Variants in BCR observed in about 807,000 individuals in gnomAD.
BCR encodes breakpoint cluster region protein.
Under a neutral mutation model 138.6 loss-of-function variants are expected in BCR, and 58 were observed. That is an observed-to-expected ratio of 0.42 (90% CI 0.34 to 0.52). The LOEUF (loss-of-function observed/expected upper bound fraction) is 0.52. Ranked by LOEUF, BCR falls within the 20% of genes least tolerant of loss-of-function variation. BCR has a pLI of 0.06. For missense variants in BCR, 1,599 were observed against 1,727.2 expected, an observed-to-expected ratio of 0.93 and a Z score of 1.32; for synonymous variants, 786 against 730.1, an observed-to-expected ratio of 1.08 and a Z score of -1.23.
intron 1 of BCR, among the ~76,000 whole-genome samples, chr22:23,221,066 T>C (rs2072819158): frequency 6.6e-6 from 1 of 152,198 alleles, no homozygotes; most frequent in Non-Finnish European, 1.5e-5. Context: ...TCACAGTACC[T>C]TCTGATTACC....
chr22:23,230,343 C>T (rs537267512), intron 1 of BCR, among the ~76,000 whole-genome samples: 1 of 152,368 alleles, frequency 6.6e-6, no homozygotes, highest in South Asian at 2.1e-4. Flanking sequence ...GTCCTTCTCT[C>T]TGTGTGTGGT....
At chr22:23,200,633 C>T (rs888521240) in intron 1 of BCR, among the ~76,000 whole-genome samples, 3 of 152,182 alleles carry the variant, frequency 2.0e-5, no homozygotes, top group African/African-American at 7.2e-5. Context: ...TCATGGCTCA[C>T]CGCAGCCTTG....
At chr22:23,263,492 G>A (rs972723372) in intron 4 of BCR, 2 of 1,558,016 alleles carry the variant, frequency 1.3e-6, no homozygotes, top group Admixed American at 3.3e-5. Context: ...CCTGGATGCA[G>A]CTAGAGGATG....
chr22:23,226,323 A>AGT (rs1417815309), intron 1 of BCR, among the ~76,000 whole-genome samples: 33 of 51,594 alleles, frequency 6.4e-4, no homozygotes, highest in African/African-American at 2.4e-3. Context: ...AGAGAGAGAG[A>AGT]GAGAGTGTGT....
chr22:23,260,161 G>A (rs2073341089), intron 2 of BCR, among the ~76,000 whole-genome samples: 1 of 152,138 alleles, frequency 6.6e-6, no homozygotes. Context: ...GCCTCCCAGG[G>A]GCATGGGCTC....
intron 1 of BCR, among the ~76,000 whole-genome samples, chr22:23,194,999 G>A (rs1162657368): frequency 2.0e-5 from 3 of 151,924 alleles, no homozygotes; most frequent in Admixed American, 6.6e-5. Context: ...TTTTTTGGCC[G>A]GGAGTGGTGG....
chr22:23,289,095 G>A (rs2073753141), intron 12 of BCR, among the ~76,000 whole-genome samples: 1 of 152,200 alleles, frequency 6.6e-6, no homozygotes, highest in Non-Finnish European at 1.5e-5. Context: ...TCCCTGTTCA[G>A]CATTATGCCC....
intron 12 of BCR, 57 bp downstream of exon 12, chr22:23,288,229 C>A: frequency 2.6e-6 from 4 of 1,523,336 alleles, no homozygotes; most frequent in Non-Finnish European, 3.6e-6. Flanking sequence ...GCCAGGCTGG[C>A]AGCTCCTGTG....
rs374432951 is a variant in BCR at position 23,182,111 on chromosome 22, C to T, written c.1151C>T (p.Pro384Leu). 8.7e-6 allele frequency: 14 copies of T among 1,612,484 alleles called. No individual in the cohort carries two copies. The highest frequency in any genetic ancestry group is 1.2e-5 in the Non-Finnish European group (14 of 1,180,014). ...SQQSFDSSSP[P>L]TPQCHKRHRH... is the part of the protein sequence containing the mutation. ...CAGTCCTTCGACAGCAGCAGTCCCC[C>T]CACGCCGCAGTGCCATAAGCGGCAC... Residue 384 changes from proline to leucine, a missense_variant, in exon 1 of 23, where the codon CCC (proline) becomes CTC (leucine). Physicochemically the swap from Pro to Leu is moderately conservative, Grantham distance 98 (BLOSUM62 -3). Around this residue, in one of 4 missense-constraint regions of BCR, gnomAD observed 806 missense variants for 635.0 expected, o/e 1.27. Transcript: ENST00000305877.
chr22:23,206,306 G>A (rs2072612237), intron 1 of BCR, among the ~76,000 whole-genome samples: 1 of 152,176 alleles, frequency 6.6e-6, no homozygotes, highest in South Asian at 2.1e-4. Context: ...TGGGGGCGGT[G>A]GCTCACGCCT....
At chr22:23,301,078 C>T (rs950273590) in intron 16 of BCR, among the ~76,000 whole-genome samples, 9 of 152,178 alleles carry the variant, frequency 5.9e-5, no homozygotes, top group African/African-American at 1.7e-4. Flanking sequence ...CTGAGGAGGG[C>T]GGATCATTTG....
chr22:23,224,519 C>T (rs932583336), intron 1 of BCR, among the ~76,000 whole-genome samples: 2 of 152,210 alleles, frequency 1.3e-5, no homozygotes, highest in African/African-American at 2.4e-5. Flanking sequence ...TGCTTACCCA[C>T]TCTCGTTTTA....
At chr22:23,254,539 C>T (rs1457707524) in intron 2 of BCR, 1 of 518,546 alleles carries the variant, frequency 1.9e-6, no homozygotes, top group Non-Finnish European at 3.8e-6. Context: ...AGATGCTCTG[C>T]CATGCCCTCC....
At chr22:23,293,359 G>C (rs1047296816) in intron 15 of BCR, among the ~76,000 whole-genome samples, 1 of 152,148 alleles carries the variant, frequency 6.6e-6, no homozygotes, top group African/African-American at 2.4e-5. Flanking sequence ...CAGGCTGCTT[G>C]GTCTACACGG....
Position 23,275,796 on chromosome 22 carries a change from C to T in BCR, c.2115+2022C>T, listed in dbSNP as rs190256820. ...GAGATGCCTGCTCTTTCTCTTCTAC[C>T]GACTATTCTTTTATGAGCGCTCTGA... is the stretch of plus-strand genomic sequence containing the variant. On this transcript the variant is annotated intron_variant, in intron 8 of 22. Transcript: ENST00000305877. Among the ~76,000 whole-genome samples the T allele has an allele frequency of 6.0e-4, 92 of 152,298 alleles. 1 individual carries two copies. Among genetic ancestry groups the T allele is most frequent in the Admixed American group, 4.3e-3 (66 of 15,306 alleles).
chr22:23,297,218 TTTG>T (rs1568979577), intron 16 of BCR, among the ~76,000 whole-genome samples: 3 of 140,660 alleles, frequency 2.1e-5, no homozygotes, highest in Admixed American at 7.0e-5. Context: ...TTTTTTGTTT[TTTG>T]TTTTTTTTTT....
At chr22:23,265,802 T>G (rs757521958) in intron 4 of BCR, among the ~76,000 whole-genome samples, 1 of 152,230 alleles carries the variant, frequency 6.6e-6, no homozygotes, top group Non-Finnish European at 1.5e-5. Flanking sequence ...ACAAGAAGTT[T>G]TCCCCCTGAA....
At position 23,287,222 on chromosome 22, in the gene BCR, C is replaced by T. The variant is rs745647367; in HGVS notation, c.2470C>T (p.Leu824=). Residue 824 remains leucine (L), a synonymous_variant, in exon 11 of 23, where the codon CTG becomes TTG. Coordinates refer to ENST00000305877, the MANE Select transcript of BCR (RefSeq NM_004327.4). ...GAAGAAGCTGTCGGAGCAGGAGTCA[C>T]TGCTGCTGCTTATGTCTCCCAGCAT... ...LKKKLSEQES[L]LLLMSPSMAF... 4.5e-6 allele frequency: 7 copies of T among 1,563,358 alleles called. No individual in the cohort carries two copies. The South Asian group carries it at 8.3e-5, about 18-fold the overall frequency.
At chr22:23,261,169 T>C in intron 3 of BCR, 115 bp downstream of exon 3, 1 of 1,250,886 alleles carries the variant, frequency 8.0e-7, no homozygotes, top group Non-Finnish European at 1.1e-6. Context: ...CAGCTCGCCA[T>C]CCCTGGAGTG....
Sources: allele counts gnomAD v4.1 joint callset (sites outside exome capture counted in the v4.1 genomes callset), GRCh38; gene constraint gnomAD v4.1.1; regional missense constraint gnomAD v4.1.1; transcripts MANE v1.5; gene names NCBI Gene and HGNC (gene_info 2026-07-23, HGNC 2026-07-21).